The following TAS2R1 variants were observed in gnomAD, a reference collection of about 807,000 sequenced individuals.
TAS2R1 encodes taste 2 receptor member 1, also known as taste receptor type 2 member 1.
For missense variants in TAS2R1, 370 were observed against 353.4 expected, an observed-to-expected ratio of 1.05 and a Z score of -0.38; for synonymous variants, 141 against 134.2, an observed-to-expected ratio of 1.05 and a Z score of -0.35.
chr5:9,847,178 A>C, the TAS2R1 span, among the ~76,000 whole-genome samples: 5 of 152,220 alleles, frequency 3.3e-5, no homozygotes, highest in African/African-American at 1.2e-4. Flanking sequence ...CAACCTTCTC[A>C]AATTGTCCAT....
At chr5:9,870,448 C>T in the TAS2R1 span, among the ~76,000 whole-genome samples, 1 of 152,172 alleles carries the variant, frequency 6.6e-6, no homozygotes, top group African/African-American at 2.4e-5. Flanking sequence ...GGTATACATC[C>T]TTTGTCTCTG....
the TAS2R1 span, among the ~76,000 whole-genome samples, chr5:9,880,830 A>G: frequency 3.3e-5 from 5 of 152,324 alleles, no homozygotes; most frequent in African/African-American, 1.2e-4. Context: ...GTAGACAAGA[A>G]GAAGCCCAAA....
At chr5:9,778,665 A>T in the TAS2R1 span, among the ~76,000 whole-genome samples, 1 of 152,214 alleles carries the variant, frequency 6.6e-6, no homozygotes. Context: ...TATGTTATGG[A>T]GATGGCTTAC....
chr5:9,729,585 A>C, the TAS2R1 span, among the ~76,000 whole-genome samples: 5 of 138,628 alleles, frequency 3.6e-5, no homozygotes, highest in African/African-American at 1.5e-4. Context: ...CTTTTTTTTA[A>C]ATATACTTTA....
chr5:9,696,795 C>A (rs1741365645), intron 1 of TAS2R1, among the ~76,000 whole-genome samples: 1 of 151,950 alleles, frequency 6.6e-6, no homozygotes, highest in Non-Finnish European at 1.5e-5. Context: ...AGGCGGATCA[C>A]CTGAGGTTGG....
the TAS2R1 span, among the ~76,000 whole-genome samples, chr5:9,817,312 C>T: frequency 1.2e-3 from 176 of 152,274 alleles, 4 homozygotes; most frequent in East Asian, 0.031. Context: ...CACATGCCTA[C>T]GCTTTAAATT....
chr5:9,760,935 C>T, the TAS2R1 span: 4 of 152,122 alleles, frequency 2.6e-5, no homozygotes, highest in Admixed American at 2.0e-4. Flanking sequence ...CTGAACGCAC[C>T]CGAGCTCGTC....
the TAS2R1 span, among the ~76,000 whole-genome samples, chr5:9,849,412 C>T: frequency 6.6e-6 from 1 of 152,226 alleles, no homozygotes; most frequent in African/African-American, 2.4e-5. Flanking sequence ...ATTAACAACC[C>T]TATGAAGTAG....
intron 2 of TAS2R1, among the ~76,000 whole-genome samples, chr5:9,656,282 T>C (rs1268830054): frequency 6.6e-6 from 1 of 152,244 alleles, no homozygotes; most frequent in Non-Finnish European, 1.5e-5. Flanking sequence ...TTTCACTCAC[T>C]ACTGGTAGAA....
intron 2 of TAS2R1, among the ~76,000 whole-genome samples, chr5:9,642,391 T>C (rs1225556577): frequency 2.6e-5 from 4 of 152,200 alleles, no homozygotes; most frequent in Non-Finnish European, 5.9e-5. Flanking sequence ...AAATAGACTC[T>C]GAGCAAACCA....
At chr5:9,903,302 A>G in the TAS2R1 span, among the ~76,000 whole-genome samples, 1 of 152,058 alleles carries the variant, frequency 6.6e-6, no homozygotes, top group Non-Finnish European at 1.5e-5. Flanking sequence ...CATTTAACAT[A>G]ATAATCTCCA....
the TAS2R1 span, among the ~76,000 whole-genome samples, chr5:9,878,944 C>T: frequency 6.6e-6 from 1 of 152,210 alleles, no homozygotes; most frequent in Non-Finnish European, 1.5e-5. Context: ...TCTCCTTCCA[C>T]CCTGAAGGCC....
the TAS2R1 span, among the ~76,000 whole-genome samples, chr5:9,742,889 A>G: frequency 6.6e-6 from 1 of 152,210 alleles, no homozygotes; most frequent in East Asian, 1.9e-4. Context: ...TGTCTAAATT[A>G]AAACTGAACC....
the TAS2R1 span, among the ~76,000 whole-genome samples, chr5:9,820,263 G>C: frequency 2.0e-5 from 3 of 152,068 alleles, no homozygotes; most frequent in African/African-American, 7.2e-5. Context: ...CTGCCATAGG[G>C]GGCTGAAATT....
At chr5:9,645,316 G>C (rs1465216454) in intron 2 of TAS2R1, among the ~76,000 whole-genome samples, 1 of 152,154 alleles carries the variant, frequency 6.6e-6, no homozygotes, top group Non-Finnish European at 1.5e-5. Context: ...CAGTCATGCA[G>C]CTAAAAAGCA....
chr5:9,762,553 T>C, the TAS2R1 span, among the ~76,000 whole-genome samples: 1 of 152,240 alleles, frequency 6.6e-6, no homozygotes, highest in South Asian at 2.1e-4. Flanking sequence ...TGTCACAATA[T>C]AGACCCGGTA....
the TAS2R1 span, among the ~76,000 whole-genome samples, chr5:9,830,337 T>G: frequency 6.6e-6 from 1 of 151,974 alleles, no homozygotes; most frequent in Non-Finnish European, 1.5e-5. Flanking sequence ...AGGTAGATAG[T>G]TGACAGACAC....
chr5:9,695,273 C>T (rs1741334330), intron 1 of TAS2R1, among the ~76,000 whole-genome samples: 1 of 152,056 alleles, frequency 6.6e-6, no homozygotes, highest in Admixed American at 6.6e-5. Context: ...CCTGAGAAAG[C>T]CTCAATTCCC....
chr5:9,825,064 C>T, the TAS2R1 span, among the ~76,000 whole-genome samples: 1 of 152,176 alleles, frequency 6.6e-6, no homozygotes, highest in Non-Finnish European at 1.5e-5. Flanking sequence ...CACTAATCTC[C>T]AGCCTAATGG....
Sources: allele counts gnomAD v4.1 joint callset (sites outside exome capture counted in the v4.1 genomes callset), GRCh38; gene constraint gnomAD v4.1.1; transcripts MANE v1.5; gene names NCBI Gene and HGNC (gene_info 2026-07-23, HGNC 2026-07-21).